OBP2B: variants seen among roughly 807,000 people sequenced by gnomAD.
OBP2B encodes odorant-binding protein 2b.
Under a neutral mutation model 21.7 loss-of-function variants are expected in OBP2B, and 10 were observed. The observed-to-expected ratio is 0.46, with a 90% CI of 0.28 to 0.78. The LOEUF is 0.78. OBP2B is among the 30% of genes least tolerant of loss of function. The pLI is 0.11. For synonymous variants in OBP2B, 73 were observed against 91.5 expected, an observed-to-expected ratio of 0.80 and a Z score of 1.16; for missense variants, 153 against 217.7, an observed-to-expected ratio of 0.70 and a Z score of 1.87.
chr9:133,220,372 G>A, the OBP2B span, among the ~76,000 whole-genome samples: 1 of 152,232 alleles, frequency 6.6e-6, no homozygotes, highest in Non-Finnish European at 1.5e-5. Flanking sequence ...TCCCTGAGCT[G>A]CGCTCCATTA....
At chr9:133,206,500 G>C in intron 4 of OBP2B, 84 bp from the exon 5 acceptor site, 3 of 1,562,648 alleles carry the variant, frequency 1.9e-6, no homozygotes, top group Non-Finnish European at 2.6e-6. Context: ...AGACGACCAC[G>C]GCCCAGCACC....
upstream of OBP2B, among the ~76,000 whole-genome samples, chr9:133,213,956 A>G (rs782138752): frequency 1.3e-5 from 2 of 152,244 alleles, no homozygotes; most frequent in Admixed American, 6.5e-5. Context: ...AATATACCTC[A>G]TGAATATAGA....
intron 3 of OBP2B, 135 bp downstream of exon 3, chr9:133,207,976 ACCAGCCCCCCAGGAAGGAGAGG>A (rs1833793905): frequency 6.5e-7 from 1 of 1,528,242 alleles, no homozygotes; most frequent in Admixed American, 2.0e-5. Context: ...TGTCAGGGCC[ACCAGCCCCCCAGGAAGGAGAGG>A]CCAGCCCCTC....
intron 6 of OBP2B, 109 bp downstream of exon 6, chr9:133,205,808 G>A: frequency 6.6e-7 from 1 of 1,511,088 alleles, no homozygotes; most frequent in East Asian, 2.3e-5. Context: ...TGACCCTGGG[G>A]GGGTCTCCCT....
intron 3 of OBP2B, chr9:133,207,891 G>C: frequency 4.6e-6 from 7 of 1,529,604 alleles, no homozygotes; most frequent in Non-Finnish European, 6.1e-6. Context: ...TGTGTCAATG[G>C]CTAGGGCCTC....
At chr9:133,207,097 C>G (rs547111180) in intron 4 of OBP2B, 129 bp downstream of exon 4, 35 of 683,076 alleles carry the variant, frequency 5.1e-5, no homozygotes, top group Admixed American at 3.1e-4. Context: ...CCCAGCGGTG[C>G]CCGGCACATG....
At chr9:133,217,489 C>G in the OBP2B span, among the ~76,000 whole-genome samples, 2 of 152,232 alleles carry the variant, frequency 1.3e-5, no homozygotes, top group East Asian at 3.8e-4. Context: ...TCCATTTCTT[C>G]CTTTTTCTTT....
upstream of OBP2B, among the ~76,000 whole-genome samples, chr9:133,214,180 C>T (rs1426382660): frequency 6.6e-6 from 1 of 152,138 alleles, no homozygotes; most frequent in African/African-American, 2.4e-5. Context: ...AAACAACTCT[C>T]AGAAAAGTAG....
upstream of OBP2B, among the ~76,000 whole-genome samples, chr9:133,210,882 A>G (rs782202983): frequency 3.9e-5 from 6 of 152,116 alleles, no homozygotes; most frequent in Non-Finnish European, 8.8e-5. Flanking sequence ...GGGTCAACCC[A>G]TGGCAGACAT....
At chr9:133,209,704 C>T (rs149762707), upstream of OBP2B, among the ~76,000 whole-genome samples, 293 of 152,248 alleles carry the variant, frequency 1.9e-3, 3 homozygotes, top group Middle Eastern at 0.034. This position sits in a 1 kb window ranked among gnomAD's most constrained non-coding sequence, Gnocchi z 6.0. Flanking sequence ...AGCTGAGTCC[C>T]GCACGCCCTA....
rs369533781 is a variant in OBP2B at position 133,206,325 on chromosome 9, G to A, written c.480C>T (p.Pro160=). 15 of 1,613,846 alleles carry A rather than the reference G, an allele frequency of 9.3e-6. No individual in the cohort carries two copies. The African/African-American group carries it at 1.3e-4, about 14-fold the overall frequency. The part of the protein sequence containing the change: ...KGLSEEDIFT[P]LQTGSCVPEH ...CACAGCCATCCTCACCCGTCTGCAG[G>A]GGCGTGAAAATGTCCTCCTCCGAGA... Residue 160 remains proline (P), a synonymous_variant, in exon 5 of 7, where the codon CCC becomes CCT. Coordinates refer to ENST00000372034, the MANE Select transcript of OBP2B (RefSeq NM_014581.4).
At chr9:133,219,800 A>G in the OBP2B span, among the ~76,000 whole-genome samples, 1 of 152,208 alleles carries the variant, frequency 6.6e-6, no homozygotes, top group Non-Finnish European at 1.5e-5. Flanking sequence ...ATGAAAACAT[A>G]TGTTCCCATG....
chr9:133,213,467 G>A (rs879986068), upstream of OBP2B, among the ~76,000 whole-genome samples: 9 of 152,096 alleles, frequency 5.9e-5, no homozygotes, highest in South Asian at 2.1e-4. Context: ...AGAAAAAATC[G>A]AAAGCAGAAA....
chr9:133,208,440 T>C, intron 2 of OBP2B, 29 bp downstream of exon 2: 3 of 1,607,294 alleles, frequency 1.9e-6, no homozygotes, highest in African/African-American at 2.7e-5. Flanking sequence ...GAAAGTGGCC[T>C]GAGGGGCCCT....
At chr9:133,214,295 A>G in the OBP2B span, among the ~76,000 whole-genome samples, 2 of 152,376 alleles carry the variant, frequency 1.3e-5, no homozygotes, top group South Asian at 4.1e-4. Flanking sequence ...GCTCAAGTCC[A>G]GCTGCTCGCT....
At chr9:133,206,958 C>T (rs1411078551) in intron 4 of OBP2B, among the ~76,000 whole-genome samples, 1 of 152,074 alleles carries the variant, frequency 6.6e-6, no homozygotes, top group Non-Finnish European at 1.5e-5. Flanking sequence ...TAAGGTGACC[C>T]TCCCCCTTAA....
At chr9:133,214,184 A>G (rs1187332012), upstream of OBP2B, among the ~76,000 whole-genome samples, 8 of 152,230 alleles carry the variant, frequency 5.3e-5, no homozygotes, top group Non-Finnish European at 1.2e-4. Context: ...AACTCTCAGA[A>G]AAGTAGGAAT....
chr9:133,220,888 A>G, the OBP2B span, among the ~76,000 whole-genome samples: 2 of 152,214 alleles, frequency 1.3e-5, no homozygotes, highest in Non-Finnish European at 2.9e-5. Flanking sequence ...ATTTATGAAC[A>G]GAAGTAGAAG....
chr9:133,216,747 A>G, the OBP2B span, among the ~76,000 whole-genome samples: 30 of 150,416 alleles, frequency 2.0e-4, no homozygotes, highest in African/African-American at 7.0e-4. Context: ...GATGCTGCAC[A>G]GGAAAAAAAA....
Sources: gnomAD v4.1 joint callset for allele counts (sites outside exome capture counted in the v4.1 genomes callset) on GRCh38, gnomAD v4.1.1 for gene constraint, Gnocchi (gnomAD v3.1) non-coding constraint, MANE v1.5 for transcripts, NCBI Gene and HGNC (gene_info 2026-07-23, HGNC 2026-07-21) for gene names.